The following CYP2J2 variants were observed in gnomAD, a reference collection of about 807,000 sequenced individuals.
CYP2J2 encodes the protein cytochrome P450 family 2 subfamily J member 2.
A neutral mutation model predicts 48.8 loss-of-function variants in CYP2J2; 41 were observed. The observed-to-expected ratio is 0.84, with a 90% CI of 0.66 to 1.09. The LOEUF (loss-of-function observed/expected upper bound fraction) is 1.09, where lower values mean the gene tolerates loss of function less well. Ranked by LOEUF, CYP2J2 falls within the 50% of genes least tolerant of loss-of-function variation. The pLI, the probability that CYP2J2 is intolerant of heterozygous loss-of-function variation, is 0.00. For missense variants in CYP2J2, 644 were observed against 617.3 expected (o/e 1.04, Z -0.46); for synonymous variants, 221 against 227.1 (o/e 0.97, Z 0.24).
chr1:59,938,434 G>C, the CYP2J2 span, among the ~76,000 whole-genome samples: 12 of 152,322 alleles, frequency 7.9e-5, no homozygotes, highest in African/African-American at 2.6e-4. Context: ...AAAGGAATCT[G>C]TGTCACAAAT....
rs993600925 is a variant in CYP2J2, at chr1:59,912,633, G to A, written c.374-322C>T. 2.2e-5 allele frequency: 5 copies of A among 225,726 alleles called. No homozygotes were observed. The East Asian group carries it at 5.0e-4, about 22-fold the overall frequency. The allele number at this position is 225,726 out of a possible 1,614,324, so 14.0% of individuals were successfully genotyped here. A position where few individuals can be genotyped will look rare whatever the true frequency, so the allele number is the denominator to read the frequency against. ...AGGAACAAGGGATAAAGGATAAAATGCATTTTACAGGGTCTCACAGTAAGT... is the reference window on the plus strand; with the variant it reads ...AGGAACAAGGGATAAAGGATAAAATACATTTTACAGGGTCTCACAGTAAGT... On this transcript the variant is annotated intron_variant, in intron 2 of 8. Coordinates refer to ENST00000371204, the MANE Select transcript of CYP2J2 (RefSeq NM_000775.4).
chr1:59,951,719 G>A, the CYP2J2 span, among the ~76,000 whole-genome samples: 93 of 152,260 alleles, frequency 6.1e-4, 1 homozygote, highest in African/African-American at 2.2e-3. Flanking sequence ...AGCTCTGAGG[G>A]TCTTAATCCC....
the CYP2J2 span, among the ~76,000 whole-genome samples, chr1:59,948,264 C>T: frequency 6.6e-6 from 1 of 152,176 alleles, no homozygotes; most frequent in Non-Finnish European, 1.5e-5. Flanking sequence ...CTCAATTATT[C>T]TCTAAACAGT....
intron 5 of CYP2J2, 137 bp downstream of exon 5, chr1:59,909,647 T>G (rs1644394260): frequency 1.6e-6 from 1 of 616,434 alleles, no homozygotes; most frequent in Non-Finnish European, 2.7e-6. Context: ...ACTTCTGATA[T>G]CTAGAACTGT....
chr1:59,968,983 C>T, the CYP2J2 span, among the ~76,000 whole-genome samples: 2 of 152,146 alleles, frequency 1.3e-5, no homozygotes, highest in Non-Finnish European at 2.9e-5. Flanking sequence ...AGGAGTGAAG[C>T]TGCAGACTTT....
intron 1 of CYP2J2, among the ~76,000 whole-genome samples, chr1:59,925,475 TATG>T (rs1179231795): frequency 2.0e-5 from 3 of 152,176 alleles, no homozygotes; most frequent in African/African-American, 7.2e-5. Context: ...TTGTACATAG[TATG>T]ATGTTTGACC....
chr1:59,897,098 A>G (rs926595342), intron 8 of CYP2J2, among the ~76,000 whole-genome samples: 2 of 152,226 alleles, frequency 1.3e-5, no homozygotes. Context: ...ATGTCGTTAT[A>G]TTATTTGTGC....
chr1:59,959,435 T>C, the CYP2J2 span, among the ~76,000 whole-genome samples: 1 of 152,146 alleles, frequency 6.6e-6, no homozygotes, highest in African/African-American at 2.4e-5. Context: ...AAAGAAGTCA[T>C]TATGTGAGAA....
At chr1:59,965,059 T>A in the CYP2J2 span, among the ~76,000 whole-genome samples, 10,995 of 152,228 alleles carry the variant, frequency 0.072, 419 homozygotes, top group Middle Eastern at 0.1. Flanking sequence ...ATAACATAAT[T>A]ATGAGTATAT....
At chr1:59,941,219 C>A in the CYP2J2 span, among the ~76,000 whole-genome samples, 1 of 152,166 alleles carries the variant, frequency 6.6e-6, no homozygotes, top group Non-Finnish European at 1.5e-5. Flanking sequence ...TGCAGTCACA[C>A]ACTGCAAAAT....
chr1:59,896,681 A>C (rs755814705), intron 8 of CYP2J2, among the ~76,000 whole-genome samples: 1 of 151,862 alleles, frequency 6.6e-6, no homozygotes, highest in Non-Finnish European at 1.5e-5. Context: ...ACATTACCCC[A>C]CACAAGTCAC....
rs878984490 is a variant in CYP2J2, at chr1:59,893,952, T to C, written c.1331-123A>G. ...GAGGAAGGGCCTGTAGGCCCCAGGG[T>C]GTTATGGCCAGCAGCTTATTTAAGT... On this transcript the variant is annotated intron_variant, in intron 8 of 8. Transcript: ENST00000371204. The C allele has an allele frequency of 5.8e-5, 50 of 865,314 alleles. No homozygotes were observed. The South Asian group carries it at 8.9e-4, about 15-fold the overall frequency. 53.6% of individuals were successfully genotyped at this position (865,314 alleles called of 1,614,324 possible). A position where few individuals can be genotyped will look rare whatever the true frequency, so the allele number is the denominator to read the frequency against.
Position 59,926,540 on chromosome 1 carries a change from C to T in CYP2J2, c.207G>A (p.Gln69=). 6.2e-7 allele frequency: 1 copy of T among 1,613,762 alleles called. No homozygotes were observed. Among genetic ancestry groups the T allele is most frequent in the Non-Finnish European group, 8.5e-7 (1 of 1,179,618 alleles). ...VDFEQSHLEV[Q]LFVKKYGNLF... ...AGGCACCTTCTCCCACTCCTACCAG[C>T]TGAACCTCCAGGTGCGACTGCTCGA... Residue 69 remains glutamine, a synonymous_variant, in exon 1 of 9, where the codon CAG becomes CAA. Coordinates refer to ENST00000371204, the MANE Select transcript of CYP2J2 (RefSeq NM_000775.4).
chr1:59,958,448 C>T, the CYP2J2 span, among the ~76,000 whole-genome samples: 1 of 152,142 alleles, frequency 6.6e-6, no homozygotes, highest in African/African-American at 2.4e-5. Context: ...CATTTGGTTA[C>T]AGTTCTGTTA....
upstream of CYP2J2, among the ~76,000 whole-genome samples, chr1:59,928,179 C>A (rs770671604): frequency 2.0e-5 from 3 of 152,014 alleles, no homozygotes; most frequent in Non-Finnish European, 4.4e-5. Context: ...TTTGTTATAT[C>A]TCTCCTTCCT....
chr1:59,934,420 C>T, the CYP2J2 span, among the ~76,000 whole-genome samples: 8 of 152,038 alleles, frequency 5.3e-5, no homozygotes, highest in African/African-American at 1.9e-4. Context: ...ACAAAGGAAA[C>T]AATCAATGCA....
At chr1:59,924,614 A>G (rs1644548175) in intron 1 of CYP2J2, among the ~76,000 whole-genome samples, 3 of 152,140 alleles carry the variant, frequency 2.0e-5, no homozygotes, top group Non-Finnish European at 4.4e-5. Context: ...CTACATCTGC[A>G]TATCGTAATC....
the CYP2J2 span, among the ~76,000 whole-genome samples, chr1:59,967,026 C>T: frequency 2.0e-5 from 3 of 152,046 alleles, no homozygotes; most frequent in African/African-American, 7.2e-5. Context: ...AATGTATATC[C>T]AACCTTCTCT....
upstream of CYP2J2, among the ~76,000 whole-genome samples, chr1:59,928,252 C>T (rs1214317580): frequency 6.6e-6 from 1 of 152,042 alleles, no homozygotes; most frequent in Non-Finnish European, 1.5e-5. Flanking sequence ...GCATGAGAAA[C>T]CCCACAGAAC....
Sources: allele counts gnomAD v4.1 joint callset (sites outside exome capture counted in the v4.1 genomes callset), GRCh38; gene constraint gnomAD v4.1.1; transcripts MANE v1.5; gene names NCBI Gene and HGNC (gene_info 2026-07-23, HGNC 2026-07-21).